The following GNA14 variants were observed in gnomAD, a reference collection of about 807,000 sequenced individuals.
GNA14 encodes the protein G protein subunit alpha 14.
A neutral mutation model predicts 42.0 loss-of-function variants in GNA14; 50 were observed. The observed-to-expected ratio is 1.19, with a 90% CI of 0.95 to 1.51. The LOEUF is 1.51. Among genes scored for constraint, GNA14 ranks in the 40% most tolerant of loss-of-function variants. The pLI is 0.00. For synonymous variants in GNA14, 173 were observed against 163.1 expected, an observed-to-expected ratio of 1.06 and a Z score of -0.46; for missense variants, 473 against 446.2, an observed-to-expected ratio of 1.06 and a Z score of -0.54.
At chr9:77,617,898 GAAT>G (rs1213183494) in intron 1 of GNA14, among the ~76,000 whole-genome samples, 1 of 151,964 alleles carries the variant, frequency 6.6e-6, no homozygotes, top group East Asian at 1.9e-4. Flanking sequence ...ACCCTTCAGA[GAAT>G]TACTCCTGGC....
At chr9:77,485,960 T>C (rs1247694099) in intron 2 of GNA14, among the ~76,000 whole-genome samples, 4 of 152,170 alleles carry the variant, frequency 2.6e-5, no homozygotes, top group Non-Finnish European at 5.9e-5. Context: ...AATGGTAAAT[T>C]GGCATTAGTT....
chr9:77,583,022 C>G (rs1400589969), intron 1 of GNA14, among the ~76,000 whole-genome samples: 1 of 152,206 alleles, frequency 6.6e-6, no homozygotes, highest in East Asian at 1.9e-4. Flanking sequence ...GTGCTAGCAT[C>G]TGAAATTGTC....
chr9:77,504,489 T>TTC (rs1837029641), intron 2 of GNA14, among the ~76,000 whole-genome samples: 1 of 151,348 alleles, frequency 6.6e-6, no homozygotes, highest in African/African-American at 2.4e-5. Context: ...TATCAGCCTG[T>TTC]TCCTCACCAA....
intron 1 of GNA14, among the ~76,000 whole-genome samples, chr9:77,568,491 C>CAAA (rs35795655): frequency 7.9e-6 from 1 of 126,870 alleles, no homozygotes; most frequent in African/African-American, 2.9e-5. Context: ...GACTCCATCT[C>CAAA]AAAAAAAAAA....
chr9:77,522,141 T>A (rs545357738), intron 2 of GNA14, among the ~76,000 whole-genome samples: 13 of 152,342 alleles, frequency 8.5e-5, no homozygotes, highest in African/African-American at 3.1e-4. Flanking sequence ...ATTTTTATTA[T>A]AAACAAAGCC....
chr9:77,628,076 C>T (rs991647181), intron 1 of GNA14, among the ~76,000 whole-genome samples: 7 of 152,148 alleles, frequency 4.6e-5, no homozygotes, highest in Non-Finnish European at 8.8e-5. Context: ...GCAAAAATCA[C>T]AAGCATTCCT....
At chr9:77,429,124 G>A (rs2131687865) in intron 4 of GNA14, 88 bp from the exon 5 acceptor site, 4 of 1,245,274 alleles carry the variant, frequency 3.2e-6, no homozygotes, top group East Asian at 2.4e-5. Context: ...GGAAACCAGT[G>A]CTCTTGGAGT....
chr9:77,494,347 TTTA>T (rs1377807531), intron 2 of GNA14, among the ~76,000 whole-genome samples: 2 of 152,224 alleles, frequency 1.3e-5, no homozygotes, highest in Non-Finnish European at 2.9e-5. Flanking sequence ...CTTCAATAAA[TTTA>T]TTTTCACTTA....
intron 1 of GNA14, among the ~76,000 whole-genome samples, chr9:77,556,384 A>G (rs1822782310): frequency 6.6e-6 from 1 of 152,198 alleles, no homozygotes; most frequent in Non-Finnish European, 1.5e-5. Flanking sequence ...TGAGGGAAAA[A>G]GAGGGGCCAT....
At chr9:77,543,157 C>A (rs947619293) in intron 1 of GNA14, among the ~76,000 whole-genome samples, 8 of 152,236 alleles carry the variant, frequency 5.3e-5, no homozygotes, top group South Asian at 2.1e-4. Flanking sequence ...CTTGGCCTGG[C>A]AGCAGCAGAA....
At chr9:77,599,388 C>T (rs2117910376) in intron 1 of GNA14, among the ~76,000 whole-genome samples, 1 of 152,284 alleles carries the variant, frequency 6.6e-6, no homozygotes, top group Non-Finnish European at 1.5e-5. Context: ...AATGGCAAGG[C>T]CCCTCTGCTG....
In GNA14 at chr9:77,435,489, C is replaced by T. The variant is rs536612547; in HGVS notation, c.310-967G>A. Among the ~76,000 whole-genome samples the T allele has an allele frequency of 7.2e-5, 11 of 152,282 alleles. No individual in the cohort carries two copies. In the South Asian group the frequency reaches 2.3e-3, roughly 32 times the overall value. ...TCATTTTCTTGCATCACTGATACAA[C>T]TCTTTCCCACTGGGAGCCTCCCTCC... On this transcript the variant is annotated intron_variant, in intron 2 of 6. Coordinates refer to ENST00000341700, the MANE Select transcript of GNA14 (RefSeq NM_004297.4).
intron 2 of GNA14, among the ~76,000 whole-genome samples, chr9:77,493,677 A>G (rs918534774): frequency 1.3e-5 from 2 of 152,134 alleles, no homozygotes. Context: ...GTTACTATTA[A>G]TTCTGTGACA....
intron 1 of GNA14, among the ~76,000 whole-genome samples, chr9:77,647,422 G>A (rs914538371): frequency 1.3e-5 from 2 of 152,190 alleles, no homozygotes; most frequent in African/African-American, 4.8e-5. Flanking sequence ...AAGAGGTTAA[G>A]TGTTACAGGT....
At chr9:77,612,445 C>T (rs571497933) in intron 1 of GNA14, among the ~76,000 whole-genome samples, 2 of 152,164 alleles carry the variant, frequency 1.3e-5, no homozygotes, top group Admixed American at 6.5e-5. Context: ...CCAAACACTT[C>T]TCTCAGGGCT....
At chr9:77,597,835 C>T (rs1039795469) in intron 1 of GNA14, among the ~76,000 whole-genome samples, 1 of 151,738 alleles carries the variant, frequency 6.6e-6, no homozygotes, top group African/African-American at 2.4e-5. Context: ...GAGGCTGAGG[C>T]GAGATCACTT....
At chr9:77,541,936 C>G (rs1311764505) in intron 1 of GNA14, among the ~76,000 whole-genome samples, 1 of 151,950 alleles carries the variant, frequency 6.6e-6, no homozygotes, top group African/African-American at 2.4e-5. Flanking sequence ...CATTCATATC[C>G]TGAATTGTTT....
At chr9:77,453,944 G>T (rs1170564500) in intron 2 of GNA14, among the ~76,000 whole-genome samples, 1 of 152,218 alleles carries the variant, frequency 6.6e-6, no homozygotes, top group South Asian at 2.1e-4. Context: ...CGATTCCATA[G>T]CTTGTAAAAG....
chr9:77,646,852 T>G (rs1401811234), intron 1 of GNA14, among the ~76,000 whole-genome samples: 1 of 152,234 alleles, frequency 6.6e-6, no homozygotes, highest in Non-Finnish European at 1.5e-5. Context: ...CTGTGTTCTT[T>G]CTGTGTTTGA....
Sources: gnomAD v4.1 joint callset for allele counts (sites outside exome capture counted in the v4.1 genomes callset) on GRCh38, gnomAD v4.1.1 for gene constraint, MANE v1.5 for transcripts, NCBI Gene and HGNC (gene_info 2026-07-23, HGNC 2026-07-21) for gene names.